CPQ: variants seen among roughly 807,000 people sequenced by gnomAD.
CPQ encodes the protein Ser-Met dipeptidase.
In CPQ, 37 loss-of-function variants were observed where a neutral mutation model predicts 45.7. The observed-to-expected ratio is 0.81, with a 90% CI of 0.62 to 1.07. The LOEUF (loss-of-function observed/expected upper bound fraction) is 1.07. CPQ is among the 50% of genes least tolerant of loss of function. The pLI is 0.00. For missense variants in CPQ, 537 were observed against 572.9 expected (o/e 0.94, Z 0.64); for synonymous variants, 186 against 205.8 (o/e 0.90, Z 0.82).
intron 7 of CPQ, among the ~76,000 whole-genome samples, chr8:97,105,706 A>G (rs1447863994): frequency 3.9e-5 from 6 of 152,220 alleles, no homozygotes; most frequent in Non-Finnish European, 7.3e-5. Context: ...GGTCACGTGG[A>G]TCTTCAAAAT....
At chr8:96,908,095 C>G (rs557299596) in intron 4 of CPQ, among the ~76,000 whole-genome samples, 1 of 144,628 alleles carries the variant, frequency 6.9e-6, no homozygotes, top group South Asian at 2.3e-4. Context: ...TTGGATTTCT[C>G]CCCCACTGCA....
intron 1 of CPQ, among the ~76,000 whole-genome samples, chr8:96,783,260 AGT>A (rs71267280): frequency 7.7e-4 from 114 of 147,706 alleles, no homozygotes; most frequent in South Asian, 1.3e-3. Flanking sequence ...TAGTTGTGTG[AGT>A]GTGTGTGTGT....
At chr8:96,899,763 AAGG>A (rs1398168350) in intron 4 of CPQ, among the ~76,000 whole-genome samples, 1 of 152,170 alleles carries the variant, frequency 6.6e-6, no homozygotes, top group Admixed American at 6.5e-5. Flanking sequence ...TACAATTCAA[AAGG>A]AGATTTGACT....
intron 1 of CPQ, among the ~76,000 whole-genome samples, chr8:96,730,889 A>G (rs1809904843): frequency 8.3e-6 from 1 of 120,160 alleles, no homozygotes; most frequent in Admixed American, 9.3e-5. Flanking sequence ...ATATATATAT[A>G]TATGCATTTT....
At chr8:96,666,834 C>A (rs1808931642) in intron 1 of CPQ, among the ~76,000 whole-genome samples, 1 of 152,142 alleles carries the variant, frequency 6.6e-6, no homozygotes, top group Non-Finnish European at 1.5e-5. Context: ...TGTTAAAAAC[C>A]AAACTGGAGT....
intron 4 of CPQ, among the ~76,000 whole-genome samples, chr8:96,905,059 T>C (rs1245067940): frequency 1.3e-5 from 2 of 151,990 alleles, no homozygotes; most frequent in Non-Finnish European, 2.9e-5. Context: ...AGAAAAGAAG[T>C]TTAATGGACT....
chr8:96,829,279 G>C (rs1811418503), intron 2 of CPQ, among the ~76,000 whole-genome samples: 1 of 152,196 alleles, frequency 6.6e-6, no homozygotes, highest in African/African-American at 2.4e-5. Flanking sequence ...GGCCAACAGA[G>C]CAGGTCTAAT....
At chr8:96,994,220 A>G (rs1189845361) in intron 5 of CPQ, among the ~76,000 whole-genome samples, 2 of 152,308 alleles carry the variant, frequency 1.3e-5, no homozygotes, top group East Asian at 1.9e-4. Flanking sequence ...AGTTTTGTCT[A>G]TTGAGACAGC....
chr8:96,836,031 C>T (rs751842020), intron 3 of CPQ, among the ~76,000 whole-genome samples: 23 of 152,134 alleles, frequency 1.5e-4, no homozygotes, highest in South Asian at 2.1e-4. Flanking sequence ...CAGTGTCATA[C>T]GTTAAGGATA....
At chr8:97,057,941 T>G (rs1810482615) in intron 6 of CPQ, among the ~76,000 whole-genome samples, 1 of 152,212 alleles carries the variant, frequency 6.6e-6, no homozygotes, top group African/African-American at 2.4e-5. Context: ...GTTCATATTT[T>G]GGTACTTTTG....
At chr8:96,769,690 G>A (rs571829526) in intron 1 of CPQ, among the ~76,000 whole-genome samples, 2 of 146,332 alleles carry the variant, frequency 1.4e-5, no homozygotes, top group Admixed American at 1.4e-4. Context: ...GGAATGCAGT[G>A]GTGCAATATT....
In CPQ at chr8:96,764,277, G is replaced by A. The variant is rs1053272200; in HGVS notation, c.-34-20587G>A. ...GGATGATAGAAGCCAGGTATAAGAC[G>A]CAAACATGCTAAATGATTCCATTTG... On this transcript the variant is annotated intron_variant, in intron 1 of 7. Transcript: ENST00000220763. Among the ~76,000 whole-genome samples the A allele has an allele frequency of 2.9e-4, 44 of 152,142 alleles. 1 individual carries two copies. Among genetic ancestry groups the A allele is most frequent in the South Asian group, 2.1e-4 (1 of 4,816 alleles).
At chr8:96,714,320 T>G (rs549343745) in intron 1 of CPQ, among the ~76,000 whole-genome samples, 144 of 152,316 alleles carry the variant, frequency 9.5e-4, no homozygotes, top group African/African-American at 3.2e-3. Context: ...TCCTAGAGAC[T>G]TTGTTCATTT....
chr8:96,908,745 G>GTGCACA (rs1554577088), intron 4 of CPQ, among the ~76,000 whole-genome samples: 3 of 16,906 alleles, frequency 1.8e-4, no homozygotes, highest in Non-Finnish European at 3.3e-4. Flanking sequence ...TTATACACAT[G>GTGCACA]CGCACACACA....
chr8:96,859,845 G>C (rs1811904085), intron 3 of CPQ, among the ~76,000 whole-genome samples: 1 of 152,004 alleles, frequency 6.6e-6, no homozygotes, highest in Non-Finnish European at 1.5e-5. Context: ...CACTGTTACA[G>C]TCTTATAATT....
intron 1 of CPQ, among the ~76,000 whole-genome samples, chr8:96,755,109 C>A (rs1005093625): frequency 6.6e-6 from 1 of 151,696 alleles, no homozygotes; most frequent in South Asian, 2.1e-4. Context: ...AAACAAAATT[C>A]TTGATTAGTA....
At chr8:96,748,717 A>C (rs1357193375) in intron 1 of CPQ, among the ~76,000 whole-genome samples, 1 of 152,212 alleles carries the variant, frequency 6.6e-6, no homozygotes, top group Non-Finnish European at 1.5e-5. Context: ...TAAAATTAAG[A>C]GTATTCCACA....
At chr8:97,042,090 A>T (rs1810137241) in intron 6 of CPQ, among the ~76,000 whole-genome samples, 1 of 152,238 alleles carries the variant, frequency 6.6e-6, no homozygotes, top group African/African-American at 2.4e-5. Flanking sequence ...CTCTGGTAGA[A>T]TTCAGCTGTG....
At chr8:96,955,468 A>C (rs1813341735) in intron 4 of CPQ, among the ~76,000 whole-genome samples, 1 of 152,146 alleles carries the variant, frequency 6.6e-6, no homozygotes, top group African/African-American at 2.4e-5. Context: ...TTACAGATTC[A>C]ATGCCATCCC....
Sources: gnomAD v4.1 joint callset for allele counts (sites outside exome capture counted in the v4.1 genomes callset) on GRCh38, gnomAD v4.1.1 for gene constraint, MANE v1.5 for transcripts, NCBI Gene and HGNC (gene_info 2026-07-23, HGNC 2026-07-21) for gene names.